RXRA: variants seen among roughly 807,000 people sequenced by gnomAD.
RXRA encodes the protein retinoid X receptor alpha, also known as retinoic acid receptor RXR-alpha.
A neutral mutation model predicts 44.5 loss-of-function variants in RXRA; 5 were observed. The observed-to-expected ratio is 0.11, with a 90% CI of 0.06 to 0.24. RXRA has a LOEUF of 0.24. RXRA is among the 10% of genes least tolerant of loss of function. The pLI is 1.00. For synonymous variants in RXRA, 291 were observed against 271.4 expected (o/e 1.07, Z -0.71); for missense variants, 412 against 646.5 (o/e 0.64, Z 3.93).
chr9:134,440,010 G>A lies in RXRA; in HGVS notation c.*3396G>A, dbSNP rs967546743. The A allele has an allele frequency of 6.6e-5, 10 of 152,402 alleles. No homozygotes were observed. The highest frequency in any genetic ancestry group is 2.2e-4 in the African/African-American group (9 of 41,494). The allele number at this position is 152,402 out of a possible 1,614,324, so 9.4% of individuals were successfully genotyped here. On this transcript the variant is annotated 3_prime_UTR_variant, in exon 10 of 10. Coordinates refer to ENST00000481739, the MANE Select transcript of RXRA (RefSeq NM_002957.6). Reference sequence around the variant, plus strand: ...TCCTTAGCAATGCCTTAGCTGGGACGCATAGCTAATACTTTAGAGAGGATG... The same window carrying A: ...TCCTTAGCAATGCCTTAGCTGGGACACATAGCTAATACTTTAGAGAGGATG...
chr9:134,417,739 C>T lies in RXRA; in HGVS notation c.780+412C>T, dbSNP rs1213012135. Among the ~76,000 whole-genome samples, 1 of 152,182 alleles carries T rather than the reference C, an allele frequency of 6.6e-6. No homozygotes were observed. The highest frequency in any genetic ancestry group is 1.5e-5 in the Non-Finnish European group (1 of 68,032). ...AGGAGGCCGAGCCCCCAGCAAGAGGCTCTGCAGGTTGGTTCCAGGGCTGGC... is the reference window on the plus strand; with the variant it reads ...AGGAGGCCGAGCCCCCAGCAAGAGGTTCTGCAGGTTGGTTCCAGGGCTGGC... On this transcript the variant is annotated intron_variant, in intron 5 of 9. Coordinates refer to ENST00000481739, the MANE Select transcript of RXRA (RefSeq NM_002957.6). This position sits in a 1 kb window ranked among gnomAD's most constrained non-coding sequence, Gnocchi z 6.1.
intron 5 of RXRA, among the ~76,000 whole-genome samples, chr9:134,420,259 C>G (rs781721261): frequency 4.6e-5 from 7 of 152,248 alleles, no homozygotes; most frequent in Non-Finnish European, 8.8e-5. Flanking sequence ...CTTTCAGCCC[C>G]CAGCGTGACA....
intron 1 of RXRA, among the ~76,000 whole-genome samples, chr9:134,335,112 G>A (rs1256385590): frequency 6.6e-6 from 1 of 152,132 alleles, no homozygotes; most frequent in Non-Finnish European, 1.5e-5. Context: ...TGGAGGCCAG[G>A]CCTCCACCTA....
At chr9:134,337,852 T>C (rs1442565014) in intron 1 of RXRA, among the ~76,000 whole-genome samples, 2 of 152,110 alleles carry the variant, frequency 1.3e-5, no homozygotes, top group Non-Finnish European at 2.9e-5. Flanking sequence ...AGACGTAGAA[T>C]GCAAAACTTG....
intron 1 of RXRA, among the ~76,000 whole-genome samples, chr9:134,348,164 G>A (rs563658928): frequency 3.4e-4 from 52 of 152,272 alleles, no homozygotes; most frequent in Non-Finnish European, 6.0e-4. Flanking sequence ...TGCCAGGCGC[G>A]GCAGTTGCGA....
At chr9:134,423,288 CT>C (rs1477393368) in intron 6 of RXRA, 1 of 985,352 alleles carries the variant, frequency 1.0e-6, no homozygotes, top group Non-Finnish European at 1.2e-6. Flanking sequence ...CCATGTCCCC[CT>C]GGGCCCAAGA....
chr9:134,333,671 C>T (rs1835043371), intron 1 of RXRA, among the ~76,000 whole-genome samples: 2 of 152,198 alleles, frequency 1.3e-5, no homozygotes, highest in Admixed American at 1.3e-4. Flanking sequence ...GCCCAGAATG[C>T]AGTGAGGCTG....
intron 7 of RXRA, 33 bp from the exon 8 acceptor site, chr9:134,431,872 C>CT: frequency 1.3e-6 from 2 of 1,555,668 alleles, no homozygotes; most frequent in African/African-American, 2.7e-5. Context: ...TGCGACCTAA[C>CT]TGGGATGGGG....
At chr9:134,340,890 C>T (rs2119026773) in intron 1 of RXRA, among the ~76,000 whole-genome samples, 1 of 152,308 alleles carries the variant, frequency 6.6e-6, no homozygotes, top group South Asian at 2.1e-4. Context: ...GAATGAGCCT[C>T]ATGTGAACCC....
intron 1 of RXRA, chr9:134,371,995 C>T (rs1396740527): frequency 6.6e-6 from 1 of 152,224 alleles, no homozygotes; most frequent in Non-Finnish European, 1.5e-5. Flanking sequence ...CAGCCTGGGC[C>T]TCCCTTGTGG....
chr9:134,328,829 T>G (rs1196511463), intron 1 of RXRA, among the ~76,000 whole-genome samples: 1 of 152,078 alleles, frequency 6.6e-6, no homozygotes, highest in African/African-American at 2.4e-5. Context: ...TAGAGAGGGC[T>G]TCCTCCTCCC....
intron 4 of RXRA, among the ~76,000 whole-genome samples, chr9:134,409,763 G>C (rs568147587): frequency 6.6e-6 from 1 of 152,268 alleles, no homozygotes; most frequent in African/African-American, 2.4e-5. Flanking sequence ...CCTCTTAGTG[G>C]GTCCCTGGGT....
rs747876101 is a variant in RXRA, at chr9:134,407,230, C to T, written c.280-919C>T. On this transcript the variant is annotated intron_variant, in intron 2 of 9. Coordinates refer to ENST00000481739, the MANE Select transcript of RXRA (RefSeq NM_002957.6). This position sits in a 1 kb window ranked among gnomAD's most constrained non-coding sequence, Gnocchi z 4.8. ...GCATTGAGCCTCAAACTCTTCCTGTCCCGTGAGAAGGGGGGATGGGATTTG... is the reference window on the plus strand; with the variant it reads ...GCATTGAGCCTCAAACTCTTCCTGTTCCGTGAGAAGGGGGGATGGGATTTG... Among the ~76,000 whole-genome samples the T allele has an allele frequency of 6.6e-6, 1 of 152,224 alleles. No homozygotes were observed. Among genetic ancestry groups the T allele is most frequent in the Non-Finnish European group, 1.5e-5 (1 of 68,036 alleles).
chr9:134,333,723 A>G (rs936281594), intron 1 of RXRA, among the ~76,000 whole-genome samples: 23 of 152,272 alleles, frequency 1.5e-4, no homozygotes, highest in East Asian at 7.7e-4. Context: ...TAATTGACCA[A>G]TTTAGCTTAA....
At chr9:134,379,265 G>T in intron 1 of RXRA, 1 of 986,192 alleles carries the variant, frequency 1.0e-6, no homozygotes, top group Non-Finnish European at 1.2e-6. Flanking sequence ...GCTCGGGCCT[G>T]CCCCATCAGC....
chr9:134,346,581 G>T (rs781905555), intron 1 of RXRA, among the ~76,000 whole-genome samples: 1 of 152,218 alleles, frequency 6.6e-6, no homozygotes, highest in Non-Finnish European at 1.5e-5. Context: ...GACTAGGGGT[G>T]CCCAGGGACT....
intron 1 of RXRA, among the ~76,000 whole-genome samples, chr9:134,332,295 C>T (rs1204634164): frequency 6.6e-6 from 1 of 152,168 alleles, no homozygotes; most frequent in Non-Finnish European, 1.5e-5. Context: ...GAGATTGGAC[C>T]CCCGGGTCCC....
chr9:134,434,873 C>CGGGGGGGGGGGGGGGGGGGGGGGGG (rs1831591429), intron 9 of RXRA, among the ~76,000 whole-genome samples: 1 of 108,868 alleles, frequency 9.2e-6, no homozygotes, highest in African/African-American at 4.3e-5. Flanking sequence ...GGGAGGGGGT[C>CGGGGGGGGGGGGGGGGGGGGGGGGG]GGGGGAGGTG....
chr9:134,395,154 C>T (rs1259705177), intron 1 of RXRA, among the ~76,000 whole-genome samples: 1 of 152,250 alleles, frequency 6.6e-6, no homozygotes, highest in African/African-American at 2.4e-5. Flanking sequence ...TGGCAGGAGC[C>T]TGTCTGTGCT....
Sources: gnomAD v4.1 joint callset for allele counts (sites outside exome capture counted in the v4.1 genomes callset) on GRCh38, gnomAD v4.1.1 for gene constraint, Gnocchi (gnomAD v3.1) non-coding constraint, MANE v1.5 for transcripts, NCBI Gene and HGNC (gene_info 2026-07-23, HGNC 2026-07-21) for gene names.